The following PHACTR1 variants were observed in gnomAD, a reference collection of about 807,000 sequenced individuals.
PHACTR1 encodes RPEL repeat containing 1.
A neutral mutation model predicts 69.2 loss-of-function variants in PHACTR1; 16 were observed. The ratio of observed to expected loss-of-function variants is 0.23; its 90% confidence interval spans 0.16 to 0.35. The LOEUF is 0.35. Among genes scored for constraint, PHACTR1 ranks in the 10% least tolerant of loss-of-function variants. The pLI, the probability that PHACTR1 is intolerant of heterozygous loss-of-function variation, is 1.00. For synonymous variants in PHACTR1, 312 were observed against 284.5 expected (o/e 1.10, Z -0.97); for missense variants, 510 against 734.7 (o/e 0.69, Z 3.54).
intron 4 of PHACTR1, among the ~76,000 whole-genome samples, chr6:13,003,698 T>C (rs1798369862): frequency 6.6e-6 from 1 of 151,806 alleles, no homozygotes; most frequent in African/African-American, 2.4e-5. Flanking sequence ...TAAGAGTACA[T>C]AGTACCCACT....
chr6:13,053,266 T>C (rs1226075154), intron 4 of PHACTR1, 99 bp from the exon 5 acceptor site: 1 of 1,243,864 alleles, frequency 8.0e-7, no homozygotes, highest in Admixed American at 2.8e-5. Context: ...ACGTGGTTTC[T>C]GTTATCTGTA....
chr6:13,177,009 AC>A (rs1761407777), intron 6 of PHACTR1, among the ~76,000 whole-genome samples: 1 of 151,872 alleles, frequency 6.6e-6, no homozygotes, highest in Non-Finnish European at 1.5e-5. Context: ...AGGGTCCTGA[AC>A]CCTGAGCCTT....
chr6:13,111,348 CATTT>C (rs1322975079), intron 5 of PHACTR1, among the ~76,000 whole-genome samples: 1 of 151,938 alleles, frequency 6.6e-6, no homozygotes, highest in Non-Finnish European at 1.5e-5. Context: ...TTTGGAACTC[CATTT>C]ATTTTATTAT....
intron 8 of PHACTR1, among the ~76,000 whole-genome samples, chr6:13,224,138 T>C (rs1395204654): frequency 2.0e-5 from 3 of 152,230 alleles, no homozygotes; most frequent in African/African-American, 7.2e-5. Context: ...GGCACGATAC[T>C]AGGCACTAAG....
chr6:13,137,124 C>T (rs1223519), intron 5 of PHACTR1, among the ~76,000 whole-genome samples: 149,898 of 152,346 alleles, frequency 0.98, 73,784 homozygotes, highest in Middle Eastern at 1. Context: ...AGACAAGGTA[C>T]GCTTGTATTT....
chr6:13,258,197 A>C (rs1775440869), intron 10 of PHACTR1, among the ~76,000 whole-genome samples: 1 of 152,022 alleles, frequency 6.6e-6, no homozygotes, highest in Non-Finnish European at 1.5e-5. Context: ...GTCTCTACTA[A>C]AAATACAAAA....
intron 4 of PHACTR1, among the ~76,000 whole-genome samples, chr6:12,832,396 T>G (rs1156972868): frequency 3.9e-5 from 6 of 152,166 alleles, no homozygotes; most frequent in African/African-American, 1.4e-4. Flanking sequence ...GGCCAGCATA[T>G]TTGTCACACA....
chr6:13,235,575 C>T (rs1584142303), intron 10 of PHACTR1, among the ~76,000 whole-genome samples: 1 of 152,196 alleles, frequency 6.6e-6, no homozygotes, highest in Admixed American at 6.5e-5. Flanking sequence ...TGAAGTGAAA[C>T]CCCCAGAAGT....
chr6:12,734,429 T>C (rs539111906), intron 3 of PHACTR1, among the ~76,000 whole-genome samples: 1 of 152,290 alleles, frequency 6.6e-6, no homozygotes, highest in South Asian at 2.1e-4. Flanking sequence ...ATCCTTGTAA[T>C]GGCCCCAACT....
At chr6:12,915,440 G>A (rs1039214622) in intron 4 of PHACTR1, among the ~76,000 whole-genome samples, 2 of 149,238 alleles carry the variant, frequency 1.3e-5, no homozygotes, top group African/African-American at 2.5e-5. Context: ...CCAGGAGGCA[G>A]AGGTTGCACT....
intron 5 of PHACTR1, among the ~76,000 whole-genome samples, chr6:13,084,551 A>G (rs1811970213): frequency 6.6e-6 from 1 of 152,174 alleles, no homozygotes; most frequent in Non-Finnish European, 1.5e-5. Context: ...ACAAATTAAA[A>G]AAAAAGAAAA....
At position 12,780,249 on chromosome 6, in the gene PHACTR1, CTGTGTGTGTGTGTG is replaced by C. The variant is rs71552713; in HGVS notation, c.250+30485_250+30498del. On this transcript the variant is annotated intron_variant, in intron 4 of 14. Transcript: ENST00000332995. ...GGAAACATATATATATATCTTTTCT[CTGTGTGTGTGTGTG>C]TGTGTGTGTGTGTGTGTGTGTGTGT... Among the ~76,000 whole-genome samples, 474 of 147,566 alleles carry C rather than the reference CTGTGTGTGTGTGTG, an allele frequency of 3.2e-3. 4 individuals are homozygous for C. Among genetic ancestry groups the C allele is most frequent in the African/African-American group, 0.011 (435 of 39,656 alleles).
chr6:12,812,291 G>A (rs1277435262), intron 4 of PHACTR1, among the ~76,000 whole-genome samples: 4 of 152,120 alleles, frequency 2.6e-5, no homozygotes, highest in Non-Finnish European at 4.4e-5. Flanking sequence ...TTAGCATAAT[G>A]TTTCCTAAGT....
At chr6:12,930,840 T>G (rs1220414265) in intron 4 of PHACTR1, among the ~76,000 whole-genome samples, 1 of 151,746 alleles carries the variant, frequency 6.6e-6, no homozygotes, top group Non-Finnish European at 1.5e-5. Flanking sequence ...CACCTGAGGT[T>G]AGGAGTTCGA....
chr6:13,082,529 T>C (rs1166166844), intron 5 of PHACTR1, among the ~76,000 whole-genome samples: 1 of 152,194 alleles, frequency 6.6e-6, no homozygotes, highest in Non-Finnish European at 1.5e-5. Flanking sequence ...CCACACTGAC[T>C]TCCACAATGG....
At chr6:13,193,357 G>GTGTACATATATATATATA (rs536184609) in intron 7 of PHACTR1, among the ~76,000 whole-genome samples, 1 of 68,162 alleles carries the variant, frequency 1.5e-5, no homozygotes, top group Admixed American at 1.9e-4. Context: ...AGCTCTCTGT[G>GTGTACATATATATATATA]TATATATATA....
chr6:12,746,654 A>T (rs760538230), intron 3 of PHACTR1, among the ~76,000 whole-genome samples: 4 of 152,272 alleles, frequency 2.6e-5, no homozygotes, highest in Non-Finnish European at 4.4e-5. Context: ...ATAATACAAA[A>T]GTGCATTTAA....
At chr6:12,947,402 A>G (rs887543310) in intron 4 of PHACTR1, among the ~76,000 whole-genome samples, 1 of 151,048 alleles carries the variant, frequency 6.6e-6, no homozygotes, top group African/African-American at 2.4e-5. Flanking sequence ...CAGTTAATGT[A>G]GAGGGAAGTG....
chr6:13,276,586 A>G (rs1008603056), intron 11 of PHACTR1, among the ~76,000 whole-genome samples: 17 of 152,180 alleles, frequency 1.1e-4, no homozygotes, highest in African/African-American at 4.1e-4. Flanking sequence ...AGTCTGGCCA[A>G]TATGGTGAAA....
Sources: allele counts gnomAD v4.1 joint callset (sites outside exome capture counted in the v4.1 genomes callset), GRCh38; gene constraint gnomAD v4.1.1; transcripts MANE v1.5; gene names NCBI Gene and HGNC (gene_info 2026-07-23, HGNC 2026-07-21).